ZNF33B: variants seen among roughly 807,000 people sequenced by gnomAD.
ZNF33B encodes zinc finger protein 11b (KOX 2).
In ZNF33B, 29 loss-of-function variants were observed where a neutral mutation model predicts 45.8. The ratio of observed to expected loss-of-function variants is 0.63; its 90% CI spans 0.47 to 0.86. ZNF33B has a LOEUF of 0.86. Among genes scored for constraint, ZNF33B ranks in the 40% least tolerant of loss-of-function variants. The pLI, the probability that ZNF33B is intolerant of heterozygous loss-of-function variation, is 0.00. For missense variants in ZNF33B, 831 were observed against 909.9 expected (o/e 0.91, Z 1.12); for synonymous variants, 305 against 307.8 (o/e 0.99, Z 0.10).
At chr10:42,578,692 C>T (rs926382204) in intron 1 of ZNF33B, 1 of 152,390 alleles carries the variant, frequency 6.6e-6, no homozygotes, top group African/African-American at 2.4e-5. Context: ...CTGACCACTC[C>T]TTAACCACCT....
chr10:42,574,491 A>AC (rs1257139459), exon 2 of ZNF33B: 2 of 152,110 alleles, frequency 1.3e-5, no homozygotes, highest in African/African-American at 4.8e-5. Flanking sequence ...AGCCGCTGAA[A>AC]ACACATACAC....
chr10:42,626,185 T>C (rs1838798537), intron 4 of ZNF33B, among the ~76,000 whole-genome samples: 1 of 152,218 alleles, frequency 6.6e-6, no homozygotes, highest in Non-Finnish European at 1.5e-5. Context: ...ATTGATTGAT[T>C]TCTGAATGTT....
At position 42,593,090 on chromosome 10, in the gene ZNF33B, C is replaced by T; in HGVS notation, c.1860G>A (p.Gln620=). ...ECNECGKTFC[Q]KSQLTQHQRI... ...TCTGATGCTGAGTGAGTTGTGACTT[C>T]TGGCAGAAGGTTTTTCCACATTCAT... Residue 620 remains glutamine, a synonymous_variant, in exon 5 of 5, where the codon CAG becomes CAA. Coordinates refer to ENST00000359467, the MANE Select transcript of ZNF33B (RefSeq NM_006955.3). 1 of 1,613,718 alleles carries T rather than the reference C, an allele frequency of 6.2e-7. No individual in the cohort carries two copies. The highest frequency in any genetic ancestry group is 8.5e-7 in the Non-Finnish European group (1 of 1,179,920).
At chr10:42,635,642 T>G (rs1300615117) in intron 2 of ZNF33B, among the ~76,000 whole-genome samples, 1 of 150,668 alleles carries the variant, frequency 6.6e-6, no homozygotes, top group East Asian at 2.0e-4. Flanking sequence ...AAACCCTGTC[T>G]CTACTAAAAA....
In ZNF33B at chr10:42,592,605, T is replaced by C; in HGVS notation, c.*8A>G. The C allele has an allele frequency of 1.2e-6, 2 of 1,607,118 alleles. No homozygotes were observed. The highest frequency in any genetic ancestry group is 1.7e-6 in the Non-Finnish European group (2 of 1,176,390). On this transcript the variant is annotated 3_prime_UTR_variant, in exon 5 of 5. Coordinates refer to ENST00000359467, the MANE Select transcript of ZNF33B (RefSeq NM_006955.3). ...CTGACTTGTGGCTGGAAATTTCTAA[T>C]ATCCAATTCATTCATAAGGTTTTTC...
chr10:42,619,127 C>CAAAA (rs75304231), intron 4 of ZNF33B, among the ~76,000 whole-genome samples: 72 of 132,188 alleles, frequency 5.4e-4, no homozygotes, highest in African/African-American at 1.8e-3. Flanking sequence ...ACAGAAACAC[C>CAAAA]AAAAAAAAAA....
chr10:42,632,423 TG>T lies in ZNF33B; in HGVS notation c.25del (p.Gln9ArgfsTer9). On this transcript the variant is annotated frameshift_variant, in exon 3 of 5. Coordinates refer to ENST00000359467, the MANE Select transcript of ZNF33B (RefSeq NM_006955.3). LOFTEE classifies it high-confidence loss of function. ...CACATCTTTAAATGATACTGACCCCTGGAACTTCTGATCTACCTGAAATGTT... is the reference window on the plus strand; with the variant it reads ...CACATCTTTAAATGATACTGACCCCTGAACTTCTGATCTACCTGAAATGTT... Reference protein sequence around the residue: MNKVDQKFQGSVSFKDVTV... With the variant: MNKVDQKFXGSVSFKDVTV... The T allele has an allele frequency of 3.7e-6, 6 of 1,613,394 alleles. No homozygotes were observed. The highest frequency in any genetic ancestry group is 5.1e-6 in the Non-Finnish European group (6 of 1,179,848).
At chr10:42,588,187 A>T (rs1325223764), downstream of ZNF33B, among the ~76,000 whole-genome samples, 1 of 152,138 alleles carries the variant, frequency 6.6e-6, no homozygotes, top group Non-Finnish European at 1.5e-5. Context: ...AGCCTCAGAG[A>T]CCACCTGCCA....
At chr10:42,627,796 G>C (rs1371268594) in intron 4 of ZNF33B, among the ~76,000 whole-genome samples, 1 of 152,102 alleles carries the variant, frequency 6.6e-6, no homozygotes, top group Admixed American at 6.5e-5. Flanking sequence ...TTATTTAGAA[G>C]TCTGATGTTT....
At chr10:42,628,570 T>C (rs1405695273) in intron 4 of ZNF33B, among the ~76,000 whole-genome samples, 2 of 152,242 alleles carry the variant, frequency 1.3e-5, no homozygotes, top group African/African-American at 2.4e-5. Flanking sequence ...TTTATCATTA[T>C]ATAATGTTCT....
intron 4 of ZNF33B, among the ~76,000 whole-genome samples, chr10:42,600,832 A>G (rs1371200382): frequency 6.6e-6 from 1 of 152,142 alleles, no homozygotes; most frequent in African/African-American, 2.4e-5. Flanking sequence ...ATTTGATGTT[A>G]TTTTTGTATA....
At chr10:42,635,522 G>A (rs1839253202) in intron 2 of ZNF33B, among the ~76,000 whole-genome samples, 1 of 152,114 alleles carries the variant, frequency 6.6e-6, no homozygotes, top group African/African-American at 2.4e-5. Context: ...TGCTACACAT[G>A]TAGAAATAAG....
Position 42,617,837 on chromosome 10 carries a change from G to GCT in ZNF33B, c.250+14091_250+14092insAG, listed in dbSNP as rs1838393635. ...CAGCCTAACTGCATTTGTGATAATT[G>GCT]GCTAATAGATTTCAAATCCCACCCA... On this transcript the variant is annotated intron_variant, in intron 4 of 4. Transcript: ENST00000359467. Among the ~76,000 whole-genome samples the GCT allele has an allele frequency of 4.0e-5, 6 of 151,778 alleles. No homozygotes were observed. The South Asian group carries it at 1.2e-3, about 32-fold the overall frequency.
Position 42,594,167 on chromosome 10 carries a change from G to T in ZNF33B, c.783C>A (p.Ser261=), listed in dbSNP as rs780220472. The T allele has an allele frequency of 6.2e-7, 1 of 1,613,744 alleles. No individual in the cohort carries two copies. Among genetic ancestry groups the T allele is most frequent in the Non-Finnish European group, 8.5e-7 (1 of 1,179,928 alleles). Residue 261 remains serine (S), a synonymous_variant, in exon 5 of 5, where the codon TCC becomes TCA. Transcript: ENST00000359467. ...ATGGAGGTATCTGATGGAACAAGAG[G>T]GATGAACTATCACAGAAAGTTCTCC... The part of the protein sequence containing the change: ...EFGRTFCDSS[S]LLFHQIPPSK...
At chr10:42,602,912 CCTCT>C (rs1212353706) in intron 4 of ZNF33B, among the ~76,000 whole-genome samples, 1 of 152,136 alleles carries the variant, frequency 6.6e-6, no homozygotes, top group Admixed American at 6.6e-5. Flanking sequence ...GATCTCCAGG[CCTCT>C]CTCTGTGTGC....
At chr10:42,632,571 C>T in intron 2 of ZNF33B, 132 bp from the exon 3 acceptor site, 1 of 1,199,600 alleles carries the variant, frequency 8.3e-7, no homozygotes, top group South Asian at 1.7e-5. Flanking sequence ...AATATTCTGC[C>T]ATTAATGCAT....
At chr10:42,583,991 C>T (rs1411937371) in intron 1 of ZNF33B, among the ~76,000 whole-genome samples, 1 of 152,182 alleles carries the variant, frequency 6.6e-6, no homozygotes, top group Admixed American at 6.5e-5. Flanking sequence ...GCACAGCAAC[C>T]TGTGCATTGC....
In ZNF33B at chr10:42,591,214, T is replaced by C; in HGVS notation, c.*1399A>G. 2.3e-6 allele frequency: 2 copies of C among 864,352 alleles called. No individual in the cohort carries two copies. Among genetic ancestry groups the C allele is most frequent in the Non-Finnish European group, 2.8e-6 (2 of 720,060 alleles). 53.5% of individuals were successfully genotyped at this position (864,352 alleles called of 1,614,324 possible). On this transcript the variant is annotated 3_prime_UTR_variant, in exon 5 of 5. Coordinates refer to ENST00000359467, the MANE Select transcript of ZNF33B (RefSeq NM_006955.3). ...CAATGAAATGACAGTCCAACAGCCC[T>C]GGGCAGCAACTGGGCTGTATGTGTG...
intron 4 of ZNF33B, among the ~76,000 whole-genome samples, chr10:42,631,228 CAG>C (rs1358180575): frequency 6.6e-6 from 1 of 151,728 alleles, no homozygotes; most frequent in African/African-American, 2.4e-5. Context: ...ATTTTTGAGA[CAG>C]AGTCTCGCTC....
Sources: allele counts gnomAD v4.1 joint callset (sites outside exome capture counted in the v4.1 genomes callset), GRCh38; gene constraint gnomAD v4.1.1; transcripts MANE v1.5; gene names NCBI Gene and HGNC (gene_info 2026-07-23, HGNC 2026-07-21).